ALCAM: variants seen among roughly 807,000 people sequenced by gnomAD.
ALCAM encodes CD166 antigen.
ALCAM carries 30 observed loss-of-function variants against 70.9 expected under a neutral mutation model. The ratio of observed to expected loss-of-function variants is 0.42; its 90% CI spans 0.32 to 0.57. The LOEUF (loss-of-function observed/expected upper bound fraction) is 0.57. Ranked by LOEUF, ALCAM falls within the 20% of genes least tolerant of loss-of-function variation. The pLI, the probability that ALCAM is intolerant of heterozygous loss-of-function variation, is 0.11. For synonymous variants in ALCAM, 249 were observed against 242.5 expected (o/e 1.03, Z -0.25); for missense variants, 591 against 695.1 (o/e 0.85, Z 1.68).
rs369122657 is a variant in ALCAM at position 105,427,429 on chromosome 3, C to A, written c.73+59948C>A. ...CAGTGAAAGGCAAACTCATAGATTG[C>A]CTTAAAACTTCCATGGCTGCCACTT... On this transcript the variant is annotated intron_variant, in intron 1 of 15. Transcript: ENST00000306107. Among the ~76,000 whole-genome samples the A allele has an allele frequency of 8.6e-5, 13 of 151,852 alleles. No individual in the cohort carries two copies. The East Asian group carries it at 9.7e-4, about 11-fold the overall frequency.
intron 1 of ALCAM, among the ~76,000 whole-genome samples, chr3:105,388,616 C>T (rs1935718485): frequency 2.0e-5 from 3 of 151,162 alleles, no homozygotes; most frequent in South Asian, 2.1e-4. Context: ...TTTAAGATTC[C>T]TTCTGTTTCA....
At chr3:105,431,464 C>T (rs530541583) in intron 1 of ALCAM, among the ~76,000 whole-genome samples, 2 of 152,164 alleles carry the variant, frequency 1.3e-5, no homozygotes, top group South Asian at 2.1e-4. Context: ...GTTGTCATAG[C>T]GATGAGCAAA....
intron 1 of ALCAM, among the ~76,000 whole-genome samples, chr3:105,429,220 TAAAAGCATCTGCC>T (rs1936867102): frequency 6.6e-6 from 1 of 151,942 alleles, no homozygotes; most frequent in South Asian, 2.1e-4. Flanking sequence ...AGACTCAGAA[TAAAAGCATCTGCC>T]CAAAGCAAAT....
intron 1 of ALCAM, among the ~76,000 whole-genome samples, chr3:105,456,666 A>C (rs1424120323): frequency 6.6e-6 from 1 of 152,202 alleles, no homozygotes; most frequent in African/African-American, 2.4e-5. Flanking sequence ...TTAGTACAGT[A>C]GAGTTCATAG....
At chr3:105,459,753 A>G (rs931607730) in intron 1 of ALCAM, among the ~76,000 whole-genome samples, 3 of 152,120 alleles carry the variant, frequency 2.0e-5, no homozygotes, top group Non-Finnish European at 4.4e-5. Context: ...AACTTCTAAA[A>G]TGATGACATC....
intron 1 of ALCAM, among the ~76,000 whole-genome samples, chr3:105,480,725 A>G (rs1481425689): frequency 6.6e-6 from 1 of 152,106 alleles, no homozygotes; most frequent in African/African-American, 2.4e-5. Context: ...TTAAGCTGTT[A>G]TTTGCTATTA....
intron 1 of ALCAM, among the ~76,000 whole-genome samples, chr3:105,508,732 TGA>T (rs1308541225): frequency 6.6e-6 from 1 of 152,154 alleles, no homozygotes; most frequent in Non-Finnish European, 1.5e-5. Context: ...TTGTGTGTGA[TGA>T]GAGTACCTGA....
intron 1 of ALCAM, among the ~76,000 whole-genome samples, chr3:105,370,293 C>A (rs902209702): frequency 5.3e-5 from 8 of 152,130 alleles, no homozygotes; most frequent in African/African-American, 1.9e-4. Context: ...GTTTAACAGC[C>A]AATATATATA....
chr3:105,552,427 G>A (rs1169317644), intron 13 of ALCAM, 41 bp from the exon 14 acceptor site: 4 of 1,578,394 alleles, frequency 2.5e-6, no homozygotes, highest in South Asian at 1.1e-5. Flanking sequence ...AAAATCCTTG[G>A]CATTGTCTGT....
Position 105,367,366 on chromosome 3 carries a change from C to A in ALCAM, c.-43C>A. Reference sequence around the variant, plus strand: ...GGGCCCGGGACGACGCCCCCTCCTGCGGCGTGGACTCCGTCAGTGGCCCAC... The same window carrying A: ...GGGCCCGGGACGACGCCCCCTCCTGAGGCGTGGACTCCGTCAGTGGCCCAC... On this transcript the variant is annotated 5_prime_UTR_variant, in exon 1 of 16. Transcript: ENST00000306107. The A allele has an allele frequency of 1.9e-6, 3 of 1,604,362 alleles. No individual in the cohort carries two copies. The highest frequency in any genetic ancestry group is 2.6e-6 in the Non-Finnish European group (3 of 1,172,828).
intron 1 of ALCAM, among the ~76,000 whole-genome samples, chr3:105,422,487 T>C (rs1261096833): frequency 2.0e-5 from 3 of 151,502 alleles, no homozygotes; most frequent in Non-Finnish European, 3.0e-5. Flanking sequence ...TCTGATTTTT[T>C]GCATTGCCCC....
intron 10 of ALCAM, 34 bp from the exon 11 acceptor site, chr3:105,547,356 A>C: frequency 1.3e-6 from 2 of 1,585,196 alleles, no homozygotes; most frequent in Non-Finnish European, 1.7e-6. Flanking sequence ...TTATGATCTC[A>C]GTTCAACATC....
At chr3:105,401,284 G>T (rs1028799522) in intron 1 of ALCAM, among the ~76,000 whole-genome samples, 1 of 152,158 alleles carries the variant, frequency 6.6e-6, no homozygotes, top group Admixed American at 6.5e-5. Context: ...TGTAATTTAC[G>T]TCTAGTATTT....
At chr3:105,428,440 T>C (rs1005993661) in intron 1 of ALCAM, among the ~76,000 whole-genome samples, 6 of 151,908 alleles carry the variant, frequency 3.9e-5, no homozygotes, top group African/African-American at 1.4e-4. Flanking sequence ...TTTCTGGCCC[T>C]GGAAGAGATT....
intron 1 of ALCAM, among the ~76,000 whole-genome samples, chr3:105,504,104 G>A: frequency 6.6e-6 from 1 of 152,192 alleles, no homozygotes; most frequent in South Asian, 2.1e-4. Flanking sequence ...CTATGAGCAT[G>A]ATACTATTAA....
At chr3:105,524,153 C>T in intron 2 of ALCAM, 136 bp from the exon 3 acceptor site, 1 of 739,456 alleles carries the variant, frequency 1.4e-6, no homozygotes, top group East Asian at 2.7e-5. Flanking sequence ...TTACGTGAGA[C>T]TTGTATAAAA....
chr3:105,489,723 A>G (rs1938530926), intron 1 of ALCAM, among the ~76,000 whole-genome samples: 1 of 152,240 alleles, frequency 6.6e-6, no homozygotes, highest in South Asian at 2.1e-4. Context: ...AATACATAGC[A>G]GAGGTACCAG....
intron 1 of ALCAM, among the ~76,000 whole-genome samples, chr3:105,483,499 C>T (rs73189029): frequency 0.16 from 23,623 of 151,954 alleles, 2,160 homozygotes; most frequent in East Asian, 0.37. Flanking sequence ...AGAAAATGTA[C>T]GGAGAAGCTT....
intron 8 of ALCAM, among the ~76,000 whole-genome samples, chr3:105,543,622 A>G (rs944017925): frequency 1.3e-5 from 2 of 151,716 alleles, no homozygotes; most frequent in Non-Finnish European, 3.0e-5. Context: ...CAAGTCTCAC[A>G]GCCTACAAAT....
Sources: gnomAD v4.1 joint callset for allele counts (sites outside exome capture counted in the v4.1 genomes callset) on GRCh38, gnomAD v4.1.1 for gene constraint, MANE v1.5 for transcripts, NCBI Gene and HGNC (gene_info 2026-07-23, HGNC 2026-07-21) for gene names.